PTPRT: variants seen among roughly 807,000 people sequenced by gnomAD.
The protein encoded by PTPRT is receptor-type tyrosine-protein phosphatase T.
Under a neutral mutation model 176.8 loss-of-function variants are expected in PTPRT, and 56 were observed. The observed-to-expected ratio is 0.32, with a 90% CI of 0.26 to 0.40. The LOEUF is 0.40. PTPRT is among the 10% of genes least tolerant of loss of function. The pLI is 1.00. For synonymous variants in PTPRT, 783 were observed against 739.0 expected, an observed-to-expected ratio of 1.06 and a Z score of -0.96; for missense variants, 1,540 against 1,908.2, an observed-to-expected ratio of 0.81 and a Z score of 3.60.
chr20:42,346,025 G>A (rs561379474), intron 11 of PTPRT, among the ~76,000 whole-genome samples: 1 of 152,134 alleles, frequency 6.6e-6, no homozygotes, highest in African/African-American at 2.4e-5. Context: ...GCAGTTCAGT[G>A]GGGGGTGGAT....
At chr20:42,187,568 A>G (rs1239555993) in intron 16 of PTPRT, among the ~76,000 whole-genome samples, 1 of 152,182 alleles carries the variant, frequency 6.6e-6, no homozygotes, top group Non-Finnish European at 1.5e-5. Flanking sequence ...AGTCCGCCCT[A>G]TGGCTCTTCC....
At chr20:42,781,875 C>A (rs1227584577) in intron 3 of PTPRT, among the ~76,000 whole-genome samples, 4 of 152,166 alleles carry the variant, frequency 2.6e-5, no homozygotes, top group Non-Finnish European at 4.4e-5. Flanking sequence ...GTTCCAAGTG[C>A]CTAGGTTCAA....
intron 1 of PTPRT, among the ~76,000 whole-genome samples, chr20:43,085,727 T>C (rs1161671989): frequency 6.6e-6 from 1 of 152,124 alleles, no homozygotes; most frequent in Non-Finnish European, 1.5e-5. Flanking sequence ...TCCCCCATGA[T>C]TCAATTACCT....
In PTPRT at chr20:42,618,613, T is replaced by C. The variant is rs1439729079; in HGVS notation, c.1153+59253A>G. Among the ~76,000 whole-genome samples, 46 of 128,358 alleles carry C rather than the reference T, an allele frequency of 3.6e-4. 2 individuals carry two copies. The highest frequency in any genetic ancestry group is 7.4e-4 in the Admixed American group (10 of 13,458). The allele number at this position is 128,358 out of a possible 152,430, so 84.2% of individuals were successfully genotyped here. ...GGTCACTCAGGACTTGCTTTATGAA[T>C]CTGGGTGCTCCTGTATTGGGTGCAT... On this transcript the variant is annotated intron_variant, in intron 7 of 30. Coordinates refer to ENST00000373187, the MANE Select transcript of PTPRT (RefSeq NM_007050.6).
intron 15 of PTPRT, among the ~76,000 whole-genome samples, chr20:42,201,159 G>T (rs6030046): frequency 0.24 from 36,674 of 151,946 alleles, 5,346 homozygotes; most frequent in African/African-American, 0.39. Context: ...ACAAAAATTA[G>T]CCAGGTGTGG....
chr20:42,296,359 T>C (rs2057386365), intron 12 of PTPRT, among the ~76,000 whole-genome samples: 3 of 152,062 alleles, frequency 2.0e-5, no homozygotes, highest in Middle Eastern at 3.4e-3. Context: ...GGCAGGAGAA[T>C]TGCTTGAACC....
intron 9 of PTPRT, among the ~76,000 whole-genome samples, chr20:42,413,149 C>A (rs899704043): frequency 2.6e-5 from 4 of 152,040 alleles, no homozygotes; most frequent in African/African-American, 9.7e-5. Flanking sequence ...ACCCTACCAC[C>A]ATTTTATTTG....
At chr20:42,194,110 C>T (rs1270776504) in intron 16 of PTPRT, among the ~76,000 whole-genome samples, 2 of 152,122 alleles carry the variant, frequency 1.3e-5, no homozygotes, top group South Asian at 2.1e-4. Context: ...TGCAGTGGAG[C>T]GTTTTGCAGA....
chr20:42,387,794 T>A (rs2058758865), intron 9 of PTPRT, among the ~76,000 whole-genome samples: 1 of 126,834 alleles, frequency 7.9e-6, no homozygotes, highest in Non-Finnish European at 1.7e-5. Context: ...CTAATATTCT[T>A]TTTTTTTTTT....
chr20:42,240,505 C>A (rs749248272), intron 14 of PTPRT, among the ~76,000 whole-genome samples: 4 of 152,300 alleles, frequency 2.6e-5, no homozygotes, highest in Admixed American at 2.6e-4. Flanking sequence ...TACTGCAGAA[C>A]CTTTTTTCAG....
chr20:42,912,405 CTATT>C (rs1978457121), intron 1 of PTPRT, among the ~76,000 whole-genome samples: 1 of 152,154 alleles, frequency 6.6e-6, no homozygotes, highest in African/African-American at 2.4e-5. Flanking sequence ...TATGATTGGA[CTATT>C]TATCCATTCT....
At chr20:42,758,025 G>A (rs147542472) in intron 5 of PTPRT, among the ~76,000 whole-genome samples, 7 of 152,310 alleles carry the variant, frequency 4.6e-5, no homozygotes, top group African/African-American at 1.7e-4. Context: ...ATGTCTAACA[G>A]TTTAACTAAA....
chr20:42,648,818 T>C (rs2074966281), intron 7 of PTPRT, among the ~76,000 whole-genome samples: 1 of 110,640 alleles, frequency 9.0e-6, no homozygotes, highest in Non-Finnish European at 1.8e-5. Flanking sequence ...TTTGGTGTCG[T>C]TGTTTTTTTT....
intron 7 of PTPRT, among the ~76,000 whole-genome samples, chr20:42,599,498 G>T (rs2073737556): frequency 6.6e-6 from 1 of 152,144 alleles, no homozygotes; most frequent in South Asian, 2.1e-4. Flanking sequence ...GAGAGATGGG[G>T]TGCAATGGGA....
intron 11 of PTPRT, among the ~76,000 whole-genome samples, chr20:42,343,528 G>A (rs2058142986): frequency 6.6e-6 from 1 of 152,188 alleles, no homozygotes; most frequent in Non-Finnish European, 1.5e-5. Context: ...TCCCAAGGGT[G>A]TTGCTCTTAA....
At chr20:42,185,959 G>A (rs980216572) in intron 16 of PTPRT, among the ~76,000 whole-genome samples, 1 of 151,992 alleles carries the variant, frequency 6.6e-6, no homozygotes, top group Admixed American at 6.6e-5. Context: ...CTAGTAGAGG[G>A]GTCAAGTCTT....
intron 9 of PTPRT, among the ~76,000 whole-genome samples, chr20:42,426,690 C>A: frequency 6.6e-6 from 1 of 152,178 alleles, no homozygotes; most frequent in East Asian, 1.9e-4. Context: ...CCCAAAAGTG[C>A]TAGCCCGAGC....
intron 7 of PTPRT, among the ~76,000 whole-genome samples, chr20:42,507,559 G>A (rs748478205): frequency 1.3e-5 from 2 of 152,148 alleles, no homozygotes; most frequent in African/African-American, 4.8e-5. Context: ...AAACAGGACA[G>A]TGATAAGGAT....
intron 1 of PTPRT, among the ~76,000 whole-genome samples, chr20:43,054,492 G>A (rs554733996): frequency 1.4e-4 from 21 of 151,622 alleles, no homozygotes; most frequent in Middle Eastern, 3.4e-3. Context: ...ACGTCAAGGC[G>A]GCAGTGGGCC....
Sources: allele counts gnomAD v4.1 joint callset (sites outside exome capture counted in the v4.1 genomes callset), GRCh38; gene constraint gnomAD v4.1.1; transcripts MANE v1.5; gene names NCBI Gene and HGNC (gene_info 2026-07-23, HGNC 2026-07-21).